Variants in DOCK7 observed in about 807,000 individuals in gnomAD.
The protein encoded by DOCK7 is dedicator of cytokinesis protein 7.
A neutral mutation model predicts 271.0 loss-of-function variants in DOCK7; 138 were observed. The ratio of observed to expected loss-of-function variants is 0.51; its 90% CI spans 0.44 to 0.59. The LOEUF (loss-of-function observed/expected upper bound fraction) is 0.59. Among genes scored for constraint, DOCK7 ranks in the 20% least tolerant of loss-of-function variants. DOCK7 has a pLI of 0.00. For synonymous variants in DOCK7, 823 were observed against 876.1 expected (o/e 0.94, Z 1.07); for missense variants, 2,066 against 2,592.4 (o/e 0.80, Z 4.41).
At chr1:62,498,208 C>A (rs540116354) in intron 37 of DOCK7, among the ~76,000 whole-genome samples, 1 of 152,188 alleles carries the variant, frequency 6.6e-6, no homozygotes, top group Non-Finnish European at 1.5e-5. Context: ...GTCTGGGCAA[C>A]AGAGTAAGAC....
chr1:62,676,235 C>A (rs1660538470), intron 1 of DOCK7, among the ~76,000 whole-genome samples: 1 of 152,072 alleles, frequency 6.6e-6, no homozygotes, highest in African/African-American at 2.4e-5. Flanking sequence ...CACAGATGAA[C>A]CATAAAAACA....
intron 21 of DOCK7, chr1:62,555,350 C>G (rs1646106176): frequency 6.6e-6 from 1 of 152,392 alleles, no homozygotes; most frequent in Admixed American, 6.5e-5. Flanking sequence ...ATACAAGATT[C>G]TATTTTTCTT....
intron 37 of DOCK7, among the ~76,000 whole-genome samples, chr1:62,499,274 T>G (rs764450869): frequency 1.3e-5 from 2 of 151,992 alleles, no homozygotes; most frequent in Non-Finnish European, 2.9e-5. Context: ...AACCATATTC[T>G]TCTATTCTGG....
At position 62,632,919 on chromosome 1, in the gene DOCK7, G is replaced by C. The variant is rs556912144; in HGVS notation, c.1116+579C>G. ...TTGAACCCAGGAAGCGGAGGTTGCA[G>C]TGGGCCAAGATCCTGCCACTGGACT... is the stretch of plus-strand genomic sequence containing the variant. On this transcript the variant is annotated intron_variant, in intron 10 of 49. Coordinates refer to ENST00000635253, the MANE Select transcript of DOCK7 (RefSeq NM_001367561.1). 8.5e-5 allele frequency among the ~76,000 whole-genome samples: 13 copies of C among 152,174 alleles called. No individual in the cohort carries two copies. In the East Asian group the frequency reaches 1.7e-3, roughly 20 times the overall value.
At chr1:62,466,331 G>C (rs1267181241) in intron 48 of DOCK7, among the ~76,000 whole-genome samples, 1 of 152,162 alleles carries the variant, frequency 6.6e-6, no homozygotes, top group Non-Finnish European at 1.5e-5. Flanking sequence ...AAAAGGGATA[G>C]GCTAACTCTA....
intron 18 of DOCK7, among the ~76,000 whole-genome samples, chr1:62,572,369 GTTA>G (rs1208304620): frequency 2.0e-5 from 3 of 152,290 alleles, no homozygotes; most frequent in Non-Finnish European, 4.4e-5. Context: ...TGCTCTCCAT[GTTA>G]TTATATCATT....
chr1:62,466,378 ACTGCCCTTACTTACAAAGCTGC>A (rs1448820369), intron 48 of DOCK7, among the ~76,000 whole-genome samples: 1 of 152,210 alleles, frequency 6.6e-6, no homozygotes, highest in Non-Finnish European at 1.5e-5. Context: ...TATAATCAAG[ACTGCCCTTACTTACAAAGCTGC>A]TAACGCCTGA....
chr1:62,517,696 A>G (rs1571370201), intron 31 of DOCK7, among the ~76,000 whole-genome samples: 1 of 152,334 alleles, frequency 6.6e-6, no homozygotes, highest in African/African-American at 2.4e-5. Flanking sequence ...CAACTCCAAC[A>G]ACACACACAA....
At chr1:62,605,013 T>C (rs1370877313) in intron 14 of DOCK7, 1 of 570,768 alleles carries the variant, frequency 1.8e-6, no homozygotes, top group African/African-American at 1.9e-5. Context: ...TCAATCAAAA[T>C]TCTTATAATA....
At chr1:62,687,889 T>C (rs985177873) in intron 1 of DOCK7, among the ~76,000 whole-genome samples, 1 of 152,038 alleles carries the variant, frequency 6.6e-6, no homozygotes, top group Non-Finnish European at 1.5e-5. Context: ...CACAAAGAAT[T>C]TGGGAAGCGG....
chr1:62,603,953 A>C (rs756105227), intron 14 of DOCK7: 1 of 1,611,604 alleles, frequency 6.2e-7, no homozygotes, highest in Non-Finnish European at 8.5e-7. Flanking sequence ...CAGATTTTTA[A>C]AACTTTTCTT....
intron 37 of DOCK7, among the ~76,000 whole-genome samples, chr1:62,497,895 T>C (rs1268574649): frequency 6.6e-6 from 1 of 152,148 alleles, no homozygotes; most frequent in African/African-American, 2.4e-5. Context: ...TAATTCATAG[T>C]TGGCTAGGCC....
At chr1:62,635,172 A>G in intron 8 of DOCK7, 1 of 271,696 alleles carries the variant, frequency 3.7e-6, no homozygotes, top group South Asian at 1.0e-4. Context: ...GTAGGATATT[A>G]TACTCTCATG....
intron 14 of DOCK7, among the ~76,000 whole-genome samples, chr1:62,600,411 A>G (rs1649936604): frequency 6.6e-6 from 1 of 151,872 alleles, no homozygotes; most frequent in Non-Finnish European, 1.5e-5. Flanking sequence ...AGGAAATATC[A>G]TTCATGCCAG....
chr1:62,510,717 T>C (rs370575578), intron 33 of DOCK7, 44 bp from the exon 34 acceptor site: 11 of 1,448,036 alleles, frequency 7.6e-6, no homozygotes, highest in East Asian at 6.9e-5. Flanking sequence ...GTTATTTCAG[T>C]TGGACCACAT....
At chr1:62,561,749 T>A in intron 18 of DOCK7, 46 bp from the exon 19 acceptor site, 1 of 1,239,280 alleles carries the variant, frequency 8.1e-7, no homozygotes, top group South Asian at 1.6e-5. Context: ...AAGTAGATTA[T>A]GAACTCTGAA....
In DOCK7 at chr1:62,648,547, A is replaced by G; in HGVS notation, c.390-3T>C. 12 of 1,278,010 alleles carry G rather than the reference A, an allele frequency of 9.4e-6. No individual in the cohort carries two copies. The highest frequency in any genetic ancestry group is 1.2e-5 in the Non-Finnish European group (12 of 966,406). The allele number at this position is 1,278,010 out of a possible 1,614,324, so 79.2% of individuals were successfully genotyped here. A position where few individuals can be genotyped will look rare whatever the true frequency, so the allele number is the denominator to read the frequency against. ...ATCCTGTTCCCAATTTATGATATCT[A>G]TTAAAGAAAAAAAGTTAAATAAATA... is the stretch of plus-strand genomic sequence containing the variant. On this transcript the variant is annotated splice_polypyrimidine_tract_variant and splice_region_variant and intron_variant, in intron 4 of 49. Transcript: ENST00000635253.
chr1:62,611,538 AG>A (rs1299774263), intron 14 of DOCK7, among the ~76,000 whole-genome samples: 1 of 152,224 alleles, frequency 6.6e-6, no homozygotes, highest in Non-Finnish European at 1.5e-5. Context: ...ATTTCAAAAA[AG>A]GGTATCACAG....
rs769900514 is a variant in DOCK7 at position 62,625,398 on chromosome 1, C to T, written c.1286G>A (p.Arg429Gln). The T allele has an allele frequency of 1.1e-5, 18 of 1,587,626 alleles. No individual in the cohort carries two copies. Among genetic ancestry groups the T allele is most frequent in the Non-Finnish European group, 1.4e-5 (16 of 1,169,682 alleles). Residue 429 changes from arginine to glutamine, a missense_variant, in exon 12 of 50, where the codon CGA becomes CAA. Coordinates refer to ENST00000635253, the MANE Select transcript of DOCK7 (RefSeq NM_001367561.1). Reference sequence around the variant, plus strand: ...CCTCCTCTCTGACCAAGACCCTTTTCGTTCTACAAAAGAATTAAAAAAAAA... The same window carrying T: ...CCTCCTCTCTGACCAAGACCCTTTTTGTTCTACAAAAGAATTAAAAAAAAA... ...STEVEISTGE[R>Q]KGSWSERRNS...
Sources: gnomAD v4.1 joint callset for allele counts (sites outside exome capture counted in the v4.1 genomes callset) on GRCh38, gnomAD v4.1.1 for gene constraint, MANE v1.5 for transcripts, NCBI Gene and HGNC (gene_info 2026-07-23, HGNC 2026-07-21) for gene names.